The following CCDC171 variants were observed in gnomAD, a reference collection of about 807,000 sequenced individuals.
CCDC171 encodes the protein coiled-coil domain containing 171.
CCDC171 carries 177 observed loss-of-function variants against 168.2 expected under a neutral mutation model. The ratio of observed to expected loss-of-function variants is 1.05; its 90% CI spans 0.93 to 1.19. The LOEUF is 1.19. Among genes scored for constraint, CCDC171 ranks in the 50% most tolerant of loss-of-function variants. The pLI is 0.00. For synonymous variants in CCDC171, 687 were observed against 540.8 expected, an observed-to-expected ratio of 1.27 and a Z score of -3.75; for missense variants, 1,991 against 1,539.0, an observed-to-expected ratio of 1.29 and a Z score of -4.91.
At chr9:15,925,268 G>A (rs1825765040) in intron 25 of CCDC171, among the ~76,000 whole-genome samples, 1 of 151,580 alleles carries the variant, frequency 6.6e-6, no homozygotes, top group South Asian at 2.1e-4. Flanking sequence ...CAGAGTCAGT[G>A]ATGCTTGAGC....
intron 3 of CCDC171, among the ~76,000 whole-genome samples, chr9:15,995,376 T>A (rs922096090): frequency 6.6e-6 from 1 of 152,260 alleles, no homozygotes; most frequent in African/African-American, 2.4e-5. Context: ...TTGTGAAAGA[T>A]GTCCCTGGTG....
chr9:15,765,432 G>A (rs1024232557), intron 18 of CCDC171, among the ~76,000 whole-genome samples: 7 of 152,104 alleles, frequency 4.6e-5, no homozygotes, highest in Non-Finnish European at 5.9e-5. Flanking sequence ...TTGATGAAAG[G>A]GATGGGATCC....
chr9:16,084,432 T>A, the CCDC171 span, among the ~76,000 whole-genome samples: 2 of 152,210 alleles, frequency 1.3e-5, no homozygotes. Flanking sequence ...TTGTCCTCTT[T>A]GTCTACCTCA....
At chr9:15,815,212 C>A (rs181172049) in intron 21 of CCDC171, among the ~76,000 whole-genome samples, 1 of 152,078 alleles carries the variant, frequency 6.6e-6, no homozygotes, top group African/African-American at 2.4e-5. Context: ...TCAAGACTTA[C>A]GCCTCTTCCT....
intron 12 of CCDC171, among the ~76,000 whole-genome samples, chr9:15,723,139 T>C (rs985394608): frequency 2.6e-5 from 4 of 152,110 alleles, no homozygotes; most frequent in African/African-American, 7.2e-5. Context: ...GAAAGAAGAA[T>C]GAACTGTCAA....
intron 4 of CCDC171, among the ~76,000 whole-genome samples, chr9:15,583,792 GA>G (rs926663297): frequency 3.3e-5 from 5 of 151,530 alleles, no homozygotes; most frequent in East Asian, 1.9e-4. Context: ...AATAAAATGT[GA>G]AAAAAATTGT....
chr9:15,964,648 A>G (rs183193082), intron 25 of CCDC171, among the ~76,000 whole-genome samples: 2 of 152,270 alleles, frequency 1.3e-5, no homozygotes, highest in East Asian at 3.9e-4. Flanking sequence ...AACCTCAACC[A>G]CATCAGGAAA....
chr9:15,916,372 A>G (rs1013105603), intron 24 of CCDC171, among the ~76,000 whole-genome samples: 1 of 149,826 alleles, frequency 6.7e-6, no homozygotes, highest in African/African-American at 2.4e-5. Context: ...CATTTCACAT[A>G]TTTAGTATAT....
intron 11 of CCDC171, among the ~76,000 whole-genome samples, chr9:15,698,687 A>T (rs1347956055): frequency 1.3e-5 from 2 of 151,984 alleles, no homozygotes; most frequent in Non-Finnish European, 2.9e-5. Flanking sequence ...GTGCGTGTAT[A>T]TGTATGTATA....
chr9:15,821,155 C>G lies in CCDC171; in HGVS notation c.3268-25547C>G, dbSNP rs1363063677. Among the ~76,000 whole-genome samples, 9 of 117,312 alleles carry G rather than the reference C, an allele frequency of 7.7e-5. 2 individuals carry two copies. The highest frequency in any genetic ancestry group is 5.7e-4 in the South Asian group (2 of 3,510). 77.0% of individuals were successfully genotyped at this position (117,312 alleles called of 152,430 possible). A position where few individuals can be genotyped will look rare whatever the true frequency, so the allele number is the denominator to read the frequency against. On this transcript the variant is annotated intron_variant, in intron 21 of 25. Coordinates refer to ENST00000380701, the MANE Select transcript of CCDC171 (RefSeq NM_173550.4). ...TCAACAACGCTTCATGGTAAAAACTCCCAATAAATTAGGTATTGATGGGAT... is the reference window on the plus strand; with the variant it reads ...TCAACAACGCTTCATGGTAAAAACTGCCAATAAATTAGGTATTGATGGGAT...
chr9:15,982,468 C>T (rs1055772371), intron 3 of CCDC171, among the ~76,000 whole-genome samples: 2 of 151,988 alleles, frequency 1.3e-5, no homozygotes, highest in Non-Finnish European at 2.9e-5. Context: ...GTTACTGTCT[C>T]GGATGGAGTA....
intron 7 of CCDC171, among the ~76,000 whole-genome samples, chr9:15,626,288 C>A (rs199804359): frequency 2.0e-5 from 3 of 152,220 alleles, no homozygotes; most frequent in Admixed American, 6.5e-5. Flanking sequence ...CTCTTTTCCT[C>A]ATTGAATACC....
In CCDC171 at chr9:15,601,047, G is replaced by A. The variant is rs544619803; in HGVS notation, c.675+6875G>A. 1.1e-4 allele frequency among the ~76,000 whole-genome samples: 17 copies of A among 152,244 alleles called. No individual in the cohort carries two copies. The South Asian group carries it at 3.5e-3, about 32-fold the overall frequency. On this transcript the variant is annotated intron_variant, in intron 6 of 25. Transcript: ENST00000380701. ...GTGCCATCTGTCACCCCTTTCCTTG[G>A]CTAGGAAAGGGAATTCCCTGACCCC...
chr9:15,604,376 A>G (rs2043074173), intron 6 of CCDC171, among the ~76,000 whole-genome samples: 1 of 152,204 alleles, frequency 6.6e-6, no homozygotes, highest in Non-Finnish European at 1.5e-5. Flanking sequence ...CTTTGTTTCT[A>G]AACTATCATG....
intron 24 of CCDC171, among the ~76,000 whole-genome samples, chr9:15,908,231 G>A (rs201251162): frequency 6.6e-6 from 1 of 152,082 alleles, no homozygotes; most frequent in Non-Finnish European, 1.5e-5. Flanking sequence ...CACTATTCAC[G>A]ATAGCAAAGA....
chr9:15,633,791 T>C (rs2045962395), intron 7 of CCDC171, among the ~76,000 whole-genome samples: 1 of 152,144 alleles, frequency 6.6e-6, no homozygotes, highest in African/African-American at 2.4e-5. Flanking sequence ...CCAACAATGA[T>C]AGACTGGATT....
At chr9:16,011,523 A>G (rs1832869196) in intron 3 of CCDC171, among the ~76,000 whole-genome samples, 1 of 152,154 alleles carries the variant, frequency 6.6e-6, no homozygotes, top group Non-Finnish European at 1.5e-5. Flanking sequence ...TTCTGTTGTT[A>G]GGAGTGACAA....
At chr9:15,595,083 T>A (rs902068882) in intron 6 of CCDC171, among the ~76,000 whole-genome samples, 1 of 152,164 alleles carries the variant, frequency 6.6e-6, no homozygotes, top group African/African-American at 2.4e-5. Flanking sequence ...GGAGTAATTA[T>A]GTCTCACAAA....
chr9:15,671,580 T>C (rs557825617), intron 9 of CCDC171, among the ~76,000 whole-genome samples: 1 of 142,656 alleles, frequency 7.0e-6, no homozygotes, highest in South Asian at 2.5e-4. Context: ...CATTGTTCAA[T>C]TCCCACCTAT....
Sources: gnomAD v4.1 joint callset for allele counts (sites outside exome capture counted in the v4.1 genomes callset) on GRCh38, gnomAD v4.1.1 for gene constraint, MANE v1.5 for transcripts, NCBI Gene and HGNC (gene_info 2026-07-23, HGNC 2026-07-21) for gene names.